The following EYS variants were observed in gnomAD, a reference collection of about 807,000 sequenced individuals.
The protein encoded by EYS is EGF-like photoreceptor maintenance factor, also known as protein eyes shut homolog.
EYS carries 250 observed loss-of-function variants against 282.1 expected under a neutral mutation model. That is an observed-to-expected ratio of 0.89 (90% CI 0.80 to 0.98). The LOEUF is 0.98. EYS is among the 50% of genes least tolerant of loss of function. EYS has a pLI of 0.00. For synonymous variants in EYS, 1,355 were observed against 1,282.9 expected, an observed-to-expected ratio of 1.06 and a Z score of -1.20; for missense variants, 4,016 against 3,709.0, an observed-to-expected ratio of 1.08 and a Z score of -2.15.
In EYS at chr6:64,116,023, A is replaced by G. The variant is rs566622212; in HGVS notation, c.6425-34021T>C. ...GTAGCTAACCCAACAAAATCGGAAA[A>G]ATAATACATGAAAAAAATGAGAAGT... is the stretch of plus-strand genomic sequence containing the variant. On this transcript the variant is annotated intron_variant, in intron 31 of 42. Coordinates refer to ENST00000503581, the MANE Select transcript of EYS (RefSeq NM_001142800.2). 9.9e-5 allele frequency among the ~76,000 whole-genome samples: 15 copies of G among 152,220 alleles called. No individual in the cohort carries two copies. In the South Asian group the frequency reaches 2.9e-3, roughly 29 times the overall value.
intron 26 of EYS, among the ~76,000 whole-genome samples, chr6:64,503,176 C>T (rs926076483): frequency 3.3e-5 from 5 of 152,266 alleles, no homozygotes; most frequent in East Asian, 3.9e-4. Flanking sequence ...AATATGAAAT[C>T]GTTTTACAAA....
intron 28 of EYS, among the ~76,000 whole-genome samples, chr6:64,425,113 G>A (rs1394894006): frequency 1.3e-5 from 2 of 152,202 alleles, no homozygotes; most frequent in African/African-American, 4.8e-5. Context: ...AGTGAATGCA[G>A]CGTGTGAGAG....
intron 35 of EYS, among the ~76,000 whole-genome samples, chr6:63,955,257 C>T (rs760760267): frequency 4.6e-5 from 7 of 152,148 alleles, no homozygotes; most frequent in African/African-American, 1.4e-4. Context: ...CTCTTATTCA[C>T]CATTCTCAAC....
At chr6:63,911,305 A>C (rs1764244627) in intron 35 of EYS, among the ~76,000 whole-genome samples, 1 of 152,204 alleles carries the variant, frequency 6.6e-6, no homozygotes, top group South Asian at 2.1e-4. Flanking sequence ...AATGTCCCAG[A>C]GGTATATATG....
chr6:64,909,106 C>G (rs539912820), intron 16 of EYS, among the ~76,000 whole-genome samples: 2 of 152,134 alleles, frequency 1.3e-5, no homozygotes, highest in Non-Finnish European at 2.9e-5. Flanking sequence ...ATGTCTCTCC[C>G]TTAAACTTTC....
At chr6:65,401,491 T>C (rs938604602) in intron 7 of EYS, among the ~76,000 whole-genome samples, 3 of 151,666 alleles carry the variant, frequency 2.0e-5, no homozygotes, top group Non-Finnish European at 4.4e-5. Context: ...AAAGTAAATA[T>C]TTTTAAAGGG....
chr6:64,576,691 G>A (rs35022145), intron 26 of EYS, among the ~76,000 whole-genome samples: 1 of 151,782 alleles, frequency 6.6e-6, no homozygotes, highest in African/African-American at 2.4e-5. Context: ...TTTAAAAATA[G>A]TTTCTTATTT....
chr6:64,493,128 C>T (rs1776787491), intron 26 of EYS, among the ~76,000 whole-genome samples: 1 of 151,414 alleles, frequency 6.6e-6, no homozygotes, highest in East Asian at 1.9e-4. Flanking sequence ...GTAGGAGAGG[C>T]ATTTCTTTCT....
At chr6:64,176,541 A>C (rs574026756) in intron 31 of EYS, among the ~76,000 whole-genome samples, 2 of 151,746 alleles carry the variant, frequency 1.3e-5, no homozygotes, top group South Asian at 4.2e-4. Flanking sequence ...GTATGTACCA[A>C]ATACGCGTGA....
rs2149664250 is a variant in EYS, at chr6:63,778,028, T to C, written c.7876A>G (p.Ile2626Val). The C allele has an allele frequency of 6.4e-7, 1 of 1,551,696 alleles. No homozygotes were observed. Among genetic ancestry groups the C allele is most frequent in the South Asian group, 1.2e-5 (1 of 84,066 alleles). The change falls in exon 40 of 43, where the codon ATA becomes GTA. Residue 2626 changes from isoleucine (I) to valine (V), a missense_variant. Coordinates refer to ENST00000503581, the MANE Select transcript of EYS (RefSeq NM_001142800.2). Reference sequence around the variant, plus strand: ...TACTAAACACTAGTTCCACTCTCTATGCATGTCCCACCATTGCCACATTTC... The same window carrying C: ...TACTAAACACTAGTTCCACTCTCTACGCATGTCCCACCATTGCCACATTTC... The part of the protein sequence containing the change: ...LMKCGNGGTC[I>V]ESGTSVYCNC...
chr6:65,321,547 C>T (rs1337459742), intron 11 of EYS, among the ~76,000 whole-genome samples: 2 of 152,120 alleles, frequency 1.3e-5, no homozygotes, highest in African/African-American at 2.4e-5. Flanking sequence ...TTTGACATCT[C>T]TAATTTAAAA....
At chr6:64,494,376 C>A (rs2150507749) in intron 26 of EYS, among the ~76,000 whole-genome samples, 1 of 151,778 alleles carries the variant, frequency 6.6e-6, no homozygotes, top group South Asian at 2.1e-4. Flanking sequence ...CACCTACTTT[C>A]TCTGAGGCAT....
intron 11 of EYS, among the ~76,000 whole-genome samples, chr6:65,317,255 C>A (rs1228255799): frequency 6.6e-6 from 1 of 152,130 alleles, no homozygotes; most frequent in African/African-American, 2.4e-5. Context: ...TGATTTTCTA[C>A]TTAAATCTAT....
intron 31 of EYS, among the ~76,000 whole-genome samples, chr6:64,106,728 G>A (rs779895645): frequency 3.7e-4 from 56 of 151,960 alleles, no homozygotes; most frequent in Admixed American, 9.9e-4. Flanking sequence ...ACATGAATTT[G>A]AGGAAACTCA....
At chr6:64,084,881 A>T (rs779895107) in intron 31 of EYS, among the ~76,000 whole-genome samples, 2 of 152,172 alleles carry the variant, frequency 1.3e-5, no homozygotes, top group Middle Eastern at 3.2e-3. Flanking sequence ...ACATAAAATG[A>T]CTTCAGGCCA....
chr6:65,291,296 AAT>A lies in EYS; in HGVS notation c.2023+4565_2023+4566del, dbSNP rs1768518292. Among the ~76,000 whole-genome samples the A allele has an allele frequency of 2.0e-5, 3 of 151,636 alleles. No individual in the cohort carries two copies. In the South Asian group the frequency reaches 6.2e-4, roughly 31 times the overall value. Reference sequence around the variant, plus strand: ...GAAAGTCAAAACCATAATGATTAATAATTGGCATAGTGAATGTGTAAACCAAA... The same window carrying A: ...GAAAGTCAAAACCATAATGATTAATATGGCATAGTGAATGTGTAAACCAAA... On this transcript the variant is annotated intron_variant, in intron 12 of 42. Transcript: ENST00000503581.
chr6:64,889,532 C>T (rs184121001), intron 18 of EYS, among the ~76,000 whole-genome samples: 6 of 151,972 alleles, frequency 3.9e-5, no homozygotes, highest in Non-Finnish European at 5.9e-5. Flanking sequence ...ATGGAGGGAC[C>T]GACTGAAGCC....
intron 33 of EYS, among the ~76,000 whole-genome samples, chr6:64,026,215 T>A (rs984606676): frequency 6.6e-6 from 1 of 152,128 alleles, no homozygotes; most frequent in African/African-American, 2.4e-5. Flanking sequence ...GGGACTGTTA[T>A]GGGTTCTTGG....
At chr6:63,926,655 C>A (rs192729956) in intron 35 of EYS, among the ~76,000 whole-genome samples, 117 of 152,284 alleles carry the variant, frequency 7.7e-4, no homozygotes, top group Middle Eastern at 6.8e-3. Context: ...GACATTCAAT[C>A]ACAGATTTTG....
Sources: allele counts gnomAD v4.1 joint callset (sites outside exome capture counted in the v4.1 genomes callset), GRCh38; gene constraint gnomAD v4.1.1; transcripts MANE v1.5; gene names NCBI Gene and HGNC (gene_info 2026-07-23, HGNC 2026-07-21).